TRDN: variants seen among roughly 807,000 people sequenced by gnomAD.
TRDN encodes triadin.
Under a neutral mutation model 149.7 loss-of-function variants are expected in TRDN, and 161 were observed. The ratio of observed to expected loss-of-function variants is 1.08; its 90% CI spans 0.95 to 1.23. The LOEUF is 1.23. TRDN is among the 50% of genes most tolerant of loss of function. TRDN has a pLI of 0.00. For missense variants in TRDN, 896 were observed against 823.5 expected (o/e 1.09, Z -1.08); for synonymous variants, 294 against 250.5 (o/e 1.17, Z -1.64).
chr6:123,224,384 G>A (rs1775277163), intron 38 of TRDN, among the ~76,000 whole-genome samples: 1 of 151,628 alleles, frequency 6.6e-6, no homozygotes. Context: ...AAAGGCTTGT[G>A]GTGACCTCCA....
chr6:123,241,184 T>G (rs550552913), intron 38 of TRDN, among the ~76,000 whole-genome samples: 4 of 151,492 alleles, frequency 2.6e-5, no homozygotes, highest in Non-Finnish European at 4.4e-5. Flanking sequence ...TTTTCTGAAA[T>G]TACTGAAAAT....
intron 38 of TRDN, among the ~76,000 whole-genome samples, chr6:123,236,798 G>A (rs1775804402): frequency 6.6e-6 from 1 of 151,968 alleles, no homozygotes; most frequent in African/African-American, 2.4e-5. Context: ...TGATCTATGT[G>A]GCTATATCTT....
chr6:123,302,615 G>A (rs1009907847), intron 24 of TRDN, among the ~76,000 whole-genome samples: 1 of 151,944 alleles, frequency 6.6e-6, no homozygotes, highest in African/African-American at 2.4e-5. Flanking sequence ...TGGAATAAGT[G>A]AATAAAACAC....
At chr6:123,616,960 A>G (rs1371297811) in intron 1 of TRDN, among the ~76,000 whole-genome samples, 1 of 152,200 alleles carries the variant, frequency 6.6e-6, no homozygotes, top group Non-Finnish European at 1.5e-5. Flanking sequence ...AAATGAAAAA[A>G]TATTTCATGG....
chr6:123,566,822 T>C (rs1334187439), intron 2 of TRDN, among the ~76,000 whole-genome samples: 1 of 152,224 alleles, frequency 6.6e-6, no homozygotes, highest in African/African-American at 2.4e-5. Context: ...CCATAATTTA[T>C]ATAGTTCTTT....
At chr6:123,420,118 A>G (rs983524345) in intron 12 of TRDN, among the ~76,000 whole-genome samples, 16 of 152,242 alleles carry the variant, frequency 1.1e-4, no homozygotes, top group African/African-American at 3.6e-4. Context: ...TAGGTGGACA[A>G]TAAATGTAAG....
At chr6:123,230,937 T>G (rs1268191338) in intron 38 of TRDN, among the ~76,000 whole-genome samples, 1 of 152,000 alleles carries the variant, frequency 6.6e-6, no homozygotes, top group African/African-American at 2.4e-5. Flanking sequence ...GTACTAGATT[T>G]TACACATGTG....
Position 123,301,461 on chromosome 6 carries a change from C to T in TRDN, c.1510+14996G>A, listed in dbSNP as rs561345573. Among the ~76,000 whole-genome samples the T allele has an allele frequency of 1.1e-3, 172 of 151,880 alleles. 1 individual carries two copies. The highest frequency in any genetic ancestry group is 5.2e-3 in the South Asian group (25 of 4,816). On this transcript the variant is annotated intron_variant, in intron 24 of 40. Coordinates refer to ENST00000334268, the MANE Select transcript of TRDN (RefSeq NM_006073.4). ...CATCCAATTGATCTTTGTGAGTCCACTTCCCTGCCTGTAGCTTGGGCAAAA... is the reference window on the plus strand; with the variant it reads ...CATCCAATTGATCTTTGTGAGTCCATTTCCCTGCCTGTAGCTTGGGCAAAA...
intron 9 of TRDN, among the ~76,000 whole-genome samples, chr6:123,486,247 T>C (rs1402138135): frequency 6.7e-6 from 1 of 150,052 alleles, no homozygotes; most frequent in African/African-American, 2.4e-5. Flanking sequence ...TCTCTTGGTG[T>C]AACTTCTTTT....
chr6:123,330,925 T>C (rs1562264939), intron 23 of TRDN, among the ~76,000 whole-genome samples: 1 of 151,914 alleles, frequency 6.6e-6, no homozygotes, highest in East Asian at 1.9e-4. Context: ...CTCTTATCAA[T>C]AAAAAAATCC....
At chr6:123,414,621 G>A (rs1163984474) in intron 12 of TRDN, among the ~76,000 whole-genome samples, 2 of 152,010 alleles carry the variant, frequency 1.3e-5, no homozygotes, top group African/African-American at 2.4e-5. Context: ...TCAAGAACTT[G>A]GAAGCAGGAA....
intron 31 of TRDN, among the ~76,000 whole-genome samples, chr6:123,269,287 A>G (rs983831733): frequency 6.6e-6 from 1 of 152,102 alleles, no homozygotes; most frequent in Non-Finnish European, 1.5e-5. Context: ...TCATAAGGAC[A>G]TTTCATCATT....
At chr6:123,494,291 A>G (rs1435719501) in intron 9 of TRDN, among the ~76,000 whole-genome samples, 1 of 152,194 alleles carries the variant, frequency 6.6e-6, no homozygotes, top group Non-Finnish European at 1.5e-5. Flanking sequence ...GGTCGTTAAC[A>G]AAATCATCTT....
At chr6:123,465,112 T>C in intron 9 of TRDN, 129 bp from the exon 10 acceptor site, 3 of 1,047,166 alleles carry the variant, frequency 2.9e-6, no homozygotes, top group Non-Finnish European at 3.9e-6. Flanking sequence ...ATCATATTAT[T>C]ATGCAAAAAA....
At chr6:123,433,108 G>T (rs1774399010) in intron 12 of TRDN, among the ~76,000 whole-genome samples, 1 of 135,534 alleles carries the variant, frequency 7.4e-6, no homozygotes, top group South Asian at 2.5e-4. Flanking sequence ...CTGACTCCTA[G>T]TACAAACCAC....
chr6:123,404,495 CG>C (rs1773113867), intron 12 of TRDN, among the ~76,000 whole-genome samples: 1 of 152,062 alleles, frequency 6.6e-6, no homozygotes, highest in South Asian at 2.1e-4. Flanking sequence ...GTCACCCAGG[CG>C]GGAGTGCAGT....
At chr6:123,551,541 C>T (rs952182886) in intron 2 of TRDN, among the ~76,000 whole-genome samples, 8 of 151,914 alleles carry the variant, frequency 5.3e-5, no homozygotes, top group Admixed American at 3.9e-4. Flanking sequence ...ATTTTCTTAG[C>T]TTTCATGTTT....
In TRDN at chr6:123,585,262, G is replaced by A. The variant is rs367695120; in HGVS notation, c.23-14130C>T. ...GCAGATAATTTAGTTAAAGTGTCTCGGCCTAATAGGGAACTGGGCAGGTGG... is the reference window on the plus strand; with the variant it reads ...GCAGATAATTTAGTTAAAGTGTCTCAGCCTAATAGGGAACTGGGCAGGTGG... On this transcript the variant is annotated intron_variant, in intron 1 of 40. Coordinates refer to ENST00000334268, the MANE Select transcript of TRDN (RefSeq NM_006073.4). Among the ~76,000 whole-genome samples the A allele has an allele frequency of 1.9e-3, 288 of 151,628 alleles. 1 individual carries two copies. Among genetic ancestry groups the A allele is most frequent in the South Asian group, 2.9e-3 (14 of 4,800 alleles).
chr6:123,297,378 G>A (rs569845196), intron 24 of TRDN, among the ~76,000 whole-genome samples: 17 of 152,038 alleles, frequency 1.1e-4, no homozygotes, highest in Non-Finnish European at 1.8e-4. Flanking sequence ...GCAAATTTTT[G>A]TTTGCACCAT....
Sources: gnomAD v4.1 joint callset for allele counts (sites outside exome capture counted in the v4.1 genomes callset) on GRCh38, gnomAD v4.1.1 for gene constraint, MANE v1.5 for transcripts, NCBI Gene and HGNC (gene_info 2026-07-23, HGNC 2026-07-21) for gene names.